Variants in STK39 observed in about 807,000 individuals in gnomAD.
STK39 encodes the protein serine/threonine kinase 39, also known as STE20/SPS1-related proline-alanine-rich protein kinase.
STK39 carries 20 observed loss-of-function variants against 77.8 expected under a neutral mutation model. That is an observed-to-expected ratio of 0.26 (90% CI 0.18 to 0.37). The LOEUF (loss-of-function observed/expected upper bound fraction) is 0.37, where lower values mean the gene tolerates loss of function less well. STK39 is among the 10% of genes least tolerant of loss of function. The pLI, the probability that STK39 is intolerant of heterozygous loss-of-function variation, is 1.00. For synonymous variants in STK39, 246 were observed against 234.1 expected (o/e 1.05, Z -0.47); for missense variants, 479 against 656.5 (o/e 0.73, Z 2.95).
chr2:168,071,912 C>A (rs1364770041), intron 12 of STK39, among the ~76,000 whole-genome samples: 1 of 149,960 alleles, frequency 6.7e-6, no homozygotes, highest in African/African-American at 2.5e-5. Flanking sequence ...ACACATAAAA[C>A]AATCACAATT....
intron 14 of STK39, among the ~76,000 whole-genome samples, chr2:168,055,322 ATTTAGCTT>A (rs1685496090): frequency 6.6e-6 from 1 of 152,234 alleles, no homozygotes; most frequent in African/African-American, 2.4e-5. Flanking sequence ...TTTCTAACAG[ATTTAGCTT>A]TCTTTATGAA....
intron 16 of STK39, among the ~76,000 whole-genome samples, chr2:167,991,111 C>T (rs1683690252): frequency 6.6e-6 from 1 of 152,180 alleles, no homozygotes; most frequent in Non-Finnish European, 1.5e-5. Flanking sequence ...AAACACTTTT[C>T]AAAGCTTGCT....
chr2:168,037,100 C>A (rs183021228), intron 14 of STK39, among the ~76,000 whole-genome samples: 101 of 152,174 alleles, frequency 6.6e-4, no homozygotes, highest in Non-Finnish European at 8.2e-4. Context: ...AAATCAATGT[C>A]TTTTTATATA....
At chr2:168,080,323 A>G (rs1447706436) in intron 10 of STK39, among the ~76,000 whole-genome samples, 1 of 152,120 alleles carries the variant, frequency 6.6e-6, no homozygotes, top group Non-Finnish European at 1.5e-5. Context: ...TTGCAGCCTG[A>G]CGATGTGACA....
chr2:167,984,043 G>C (rs1441428122), intron 16 of STK39, among the ~76,000 whole-genome samples: 1 of 152,154 alleles, frequency 6.6e-6, no homozygotes, highest in Non-Finnish European at 1.5e-5. Flanking sequence ...GGTTGCATAG[G>C]AGGAAACTCA....
rs1193258836 is a variant in STK39, at chr2:168,077,073, A to C, written c.1090-1842T>G. ...GTTAATGACTACATTGAAAAGGAAG[A>C]ATTTAAAGCCACATCTATTACAAAA... is the stretch of plus-strand genomic sequence containing the variant. On this transcript the variant is annotated intron_variant, in intron 10 of 17. Transcript: ENST00000355999. 2.6e-5 allele frequency among the ~76,000 whole-genome samples: 4 copies of C among 152,318 alleles called. No homozygotes were observed. The East Asian group carries it at 5.8e-4, about 22-fold the overall frequency.
rs182116017 is a variant in STK39 at position 167,996,253 on chromosome 2, T to C, written c.1498+16381A>G. Among the ~76,000 whole-genome samples, 309 of 152,340 alleles carry C rather than the reference T, an allele frequency of 2.0e-3. 1 individual carries two copies. The highest frequency in any genetic ancestry group is 7.2e-3 in the African/African-American group (298 of 41,576). On this transcript the variant is annotated intron_variant, in intron 16 of 17. Coordinates refer to ENST00000355999, the MANE Select transcript of STK39 (RefSeq NM_013233.3). Reference sequence around the variant, plus strand: ...AAAAATCCTAGATTTAAAAAATGTCTCTATTTTCTCACAGTATCCTTCCAA... The same window carrying C: ...AAAAATCCTAGATTTAAAAAATGTCCCTATTTTCTCACAGTATCCTTCCAA...
In STK39 at chr2:168,046,223, G is replaced by A. The variant is rs141937246; in HGVS notation, c.1376+17277C>T. 8.8e-3 allele frequency among the ~76,000 whole-genome samples: 1,341 copies of A among 152,180 alleles called. 22 individuals carry two copies. Among genetic ancestry groups the A allele is most frequent in the African/African-American group, 0.03 (1,247 of 41,520 alleles). ...TTTACTAAAATACAAAAAATTAGCC[G>A]GGCGTGGTGGTGCATGCCTGTAGTC... On this transcript the variant is annotated intron_variant, in intron 14 of 17. Coordinates refer to ENST00000355999, the MANE Select transcript of STK39 (RefSeq NM_013233.3).
chr2:167,959,270 C>T (rs1232916430), intron 17 of STK39, among the ~76,000 whole-genome samples: 1 of 151,874 alleles, frequency 6.6e-6, no homozygotes, highest in Non-Finnish European at 1.5e-5. Flanking sequence ...AGGTGCCCGC[C>T]ACCATGTCCA....
intron 1 of STK39, among the ~76,000 whole-genome samples, chr2:168,242,594 T>TATATATATAC (rs1558894043): frequency 2.1e-5 from 2 of 93,964 alleles, no homozygotes; most frequent in African/African-American, 8.5e-5. Flanking sequence ...TATATATATA[T>TATATATATAC]ATAAAGAGGC....
At chr2:167,969,400 G>A (rs918335226) in intron 16 of STK39, among the ~76,000 whole-genome samples, 2 of 152,130 alleles carry the variant, frequency 1.3e-5, no homozygotes, top group Admixed American at 1.3e-4. Context: ...TTTTTAACAT[G>A]GTCAGTGAGA....
intron 1 of STK39, among the ~76,000 whole-genome samples, chr2:168,204,471 A>G (rs1475223785): frequency 6.6e-6 from 1 of 152,232 alleles, no homozygotes; most frequent in African/African-American, 2.4e-5. Context: ...GACGAGACCA[A>G]CAGTCCCTCA....
At chr2:168,197,461 A>C (rs944870417) in intron 1 of STK39, among the ~76,000 whole-genome samples, 6 of 152,196 alleles carry the variant, frequency 3.9e-5, no homozygotes, top group Non-Finnish European at 8.8e-5. Context: ...TTGTTCAATG[A>C]ACCTCCAACA....
At chr2:168,074,003 G>A (rs1220605870) in intron 12 of STK39, among the ~76,000 whole-genome samples, 1 of 152,090 alleles carries the variant, frequency 6.6e-6, no homozygotes, top group African/African-American at 2.4e-5. Context: ...AGCTACCATG[G>A]GGAGGCAGGC....
At chr2:168,149,190 GGTA>G (rs3063823) in intron 5 of STK39, among the ~76,000 whole-genome samples, 63,373 of 151,920 alleles carry the variant, frequency 0.42, 14,840 homozygotes, top group East Asian at 0.67. Flanking sequence ...AAGATCCAAA[GGTA>G]GTAATACAGT....
intron 10 of STK39, among the ~76,000 whole-genome samples, chr2:168,116,547 T>C (rs940083481): frequency 1.3e-5 from 2 of 152,160 alleles, no homozygotes; most frequent in Admixed American, 6.5e-5. Flanking sequence ...AATAGAGCCC[T>C]GAATCTTTGT....
chr2:168,029,345 C>T (rs1684776505), intron 14 of STK39, among the ~76,000 whole-genome samples: 1 of 152,178 alleles, frequency 6.6e-6, no homozygotes, highest in South Asian at 2.1e-4. Context: ...TTTATCTTGG[C>T]ATTAATTTCA....
At chr2:168,088,000 G>A (rs1405703726) in intron 10 of STK39, among the ~76,000 whole-genome samples, 1 of 151,922 alleles carries the variant, frequency 6.6e-6, no homozygotes, top group Non-Finnish European at 1.5e-5. Context: ...AAATATAATC[G>A]ACACCACCCC....
At chr2:168,159,299 G>T (rs553763788) in intron 5 of STK39, among the ~76,000 whole-genome samples, 1 of 152,052 alleles carries the variant, frequency 6.6e-6, no homozygotes, top group Non-Finnish European at 1.5e-5. Flanking sequence ...TGTATTATTT[G>T]TCCAGGTAGC....
Sources: allele counts gnomAD v4.1 joint callset (sites outside exome capture counted in the v4.1 genomes callset), GRCh38; gene constraint gnomAD v4.1.1; transcripts MANE v1.5; gene names NCBI Gene and HGNC (gene_info 2026-07-23, HGNC 2026-07-21).